Variants in KHDRBS2 observed in about 807,000 individuals in gnomAD.
KHDRBS2 encodes the protein KH domain-containing, RNA-binding, signal transduction-associated protein 2.
In KHDRBS2, 26 loss-of-function variants were observed where a neutral mutation model predicts 44.3. The observed-to-expected ratio is 0.59, with a 90% CI of 0.43 to 0.81. KHDRBS2 has a LOEUF of 0.81. KHDRBS2 is among the 40% of genes least tolerant of loss of function. The pLI is 0.00. For missense variants in KHDRBS2, 476 were observed against 433.1 expected (o/e 1.10, Z -0.88); for synonymous variants, 194 against 151.1 (o/e 1.28, Z -2.08).
chr6:61,605,054 C>T, the KHDRBS2 span, among the ~76,000 whole-genome samples: 1 of 152,148 alleles, frequency 6.6e-6, no homozygotes, highest in South Asian at 2.1e-4. Flanking sequence ...ACACACCTCA[C>T]CAAGCTCAGC....
chr6:61,797,581 G>C (rs1252074345), intron 6 of KHDRBS2, among the ~76,000 whole-genome samples: 2 of 152,004 alleles, frequency 1.3e-5, no homozygotes, highest in African/African-American at 4.8e-5. Context: ...AACTGTCAGA[G>C]CCTCCCTGGG....
At chr6:61,975,426 AG>A (rs1772380515) in intron 4 of KHDRBS2, among the ~76,000 whole-genome samples, 2 of 152,282 alleles carry the variant, frequency 1.3e-5, no homozygotes, top group Non-Finnish European at 2.9e-5. Context: ...AAATATCAAA[AG>A]AACCTTAGAT....
At chr6:61,857,066 T>C (rs1159856024) in intron 6 of KHDRBS2, among the ~76,000 whole-genome samples, 1 of 152,194 alleles carries the variant, frequency 6.6e-6, no homozygotes, top group South Asian at 2.1e-4. Flanking sequence ...CTTCATCTGA[T>C]AATCATATAT....
intron 1 of KHDRBS2, among the ~76,000 whole-genome samples, chr6:62,184,680 C>T (rs1025129109): frequency 6.6e-6 from 1 of 151,832 alleles, no homozygotes; most frequent in Non-Finnish European, 1.5e-5. Context: ...TTTGCCTTAA[C>T]TACTTCTAGG....
At chr6:61,918,013 A>T (rs1583501107) in intron 4 of KHDRBS2, among the ~76,000 whole-genome samples, 1 of 152,052 alleles carries the variant, frequency 6.6e-6, no homozygotes, top group East Asian at 1.9e-4. Context: ...CCCTAAGTGC[A>T]TCTAAACAGA....
intron 3 of KHDRBS2, among the ~76,000 whole-genome samples, chr6:61,980,183 C>T (rs1014907049): frequency 6.6e-6 from 1 of 152,132 alleles, no homozygotes; most frequent in African/African-American, 2.4e-5. Flanking sequence ...ATTTTATAAA[C>T]CCATACTGCT....
At position 61,681,022 on chromosome 6, in the gene KHDRBS2, C is replaced by A; in HGVS notation, c.991G>T (p.Ala331Ser). ...EWATTRSSLKAPPQRSARGGY... is the reference protein window; with the variant it reads ...EWATTRSSLKSPPQRSARGGY... The stretch of plus-strand genomic sequence containing the variant: ...CCTCTGGCTGACCTTTGCGGTGGTG[C>A]CTTCAAGCTAGAGCGGGTTGTGGCC... The change falls in exon 9 of 9, where the codon GCA (alanine) becomes TCA (serine). Residue 331 changes from alanine to serine, a missense_variant. By Grantham distance (99) the Ala-to-Ser change is moderately conservative. Coordinates refer to ENST00000281156, the MANE Select transcript of KHDRBS2 (RefSeq NM_152688.4). 1 of 1,611,788 alleles carries A rather than the reference C, an allele frequency of 6.2e-7. No individual in the cohort carries two copies. The highest frequency in any genetic ancestry group is 1.7e-5 in the Admixed American group (1 of 59,788).
At chr6:62,146,350 C>A (rs1263026231) in intron 2 of KHDRBS2, among the ~76,000 whole-genome samples, 1 of 151,702 alleles carries the variant, frequency 6.6e-6, no homozygotes, top group Non-Finnish European at 1.5e-5. Flanking sequence ...ACCAGTTTCC[C>A]AAATCACCTA....
the KHDRBS2 span, among the ~76,000 whole-genome samples, chr6:61,551,332 G>C: frequency 6.6e-6 from 1 of 152,074 alleles, no homozygotes; most frequent in Non-Finnish European, 1.5e-5. Context: ...TTACTCTGTT[G>C]ATAATTTCTT....
chr6:61,661,426 T>C, the KHDRBS2 span: 1 of 152,034 alleles, frequency 6.6e-6, no homozygotes, highest in East Asian at 2.0e-4. Context: ...CAGGCATCTA[T>C]AAGGCATTCT....
chr6:62,102,093 G>C (rs1802026619), intron 2 of KHDRBS2, among the ~76,000 whole-genome samples: 1 of 151,950 alleles, frequency 6.6e-6, no homozygotes, highest in African/African-American at 2.4e-5. Context: ...TTTTTTCTAT[G>C]TTTATTTTTC....
chr6:61,657,268 A>T, the KHDRBS2 span, among the ~76,000 whole-genome samples: 1 of 151,952 alleles, frequency 6.6e-6, no homozygotes, highest in African/African-American at 2.4e-5. Context: ...TTTTACCCTT[A>T]TTTTCAAAAG....
the KHDRBS2 span, among the ~76,000 whole-genome samples, chr6:61,645,407 A>C: frequency 3.3e-5 from 5 of 152,132 alleles, no homozygotes; most frequent in South Asian, 8.3e-4. Context: ...CTGTACAACA[A>C]ACTCTTGTGA....
At chr6:61,601,257 C>A in the KHDRBS2 span, among the ~76,000 whole-genome samples, 2 of 151,808 alleles carry the variant, frequency 1.3e-5, no homozygotes, top group African/African-American at 4.8e-5. Context: ...GGGCAGGCAC[C>A]CCCCACCCCT....
At chr6:61,891,003 T>G (rs6918206) in intron 6 of KHDRBS2, among the ~76,000 whole-genome samples, 1 of 152,238 alleles carries the variant, frequency 6.6e-6, no homozygotes, top group South Asian at 2.1e-4. Context: ...ACTCTTAGGA[T>G]TAGCTATAAA....
intron 2 of KHDRBS2, among the ~76,000 whole-genome samples, chr6:62,077,823 A>G (rs1584551170): frequency 6.6e-6 from 1 of 152,068 alleles, no homozygotes. Context: ...TAATTGATAA[A>G]TGAATAAGAA....
intron 2 of KHDRBS2, among the ~76,000 whole-genome samples, chr6:62,137,102 G>A (rs1811726555): frequency 7.1e-6 from 1 of 140,450 alleles, no homozygotes; most frequent in African/African-American, 2.7e-5. Context: ...CCGGGTTCAC[G>A]CCATTCTCCT....
chr6:62,096,447 T>C (rs1427173565), intron 2 of KHDRBS2, among the ~76,000 whole-genome samples: 1 of 151,922 alleles, frequency 6.6e-6, no homozygotes, highest in African/African-American at 2.4e-5. Context: ...GATTCAATCT[T>C]GGTCAGCTCT....
chr6:61,547,391 T>A, the KHDRBS2 span, among the ~76,000 whole-genome samples: 1 of 152,138 alleles, frequency 6.6e-6, no homozygotes, highest in Non-Finnish European at 1.5e-5. Flanking sequence ...ATTATCTTCC[T>A]TCAATATTTT....
Sources: gnomAD v4.1 joint callset for allele counts (sites outside exome capture counted in the v4.1 genomes callset) on GRCh38, gnomAD v4.1.1 for gene constraint, MANE v1.5 for transcripts, NCBI Gene and HGNC (gene_info 2026-07-23, HGNC 2026-07-21) for gene names.